Variants in HECW2 observed in about 807,000 individuals in gnomAD.
The protein encoded by HECW2 is E3 ubiquitin-protein ligase HECW2.
HECW2 carries 61 observed loss-of-function variants against 175.2 expected under a neutral mutation model. The observed-to-expected ratio is 0.35, with a 90% confidence interval of 0.28 to 0.43. HECW2 has a LOEUF of 0.43. Among genes scored for constraint, HECW2 ranks in the 20% least tolerant of loss-of-function variants. HECW2 has a pLI of 1.00. For missense variants in HECW2, 1,524 were observed against 2,000.5 expected, an observed-to-expected ratio of 0.76 and a Z score of 4.54; for synonymous variants, 671 against 731.0, an observed-to-expected ratio of 0.92 and a Z score of 1.32.
intron 10 of HECW2, chr2:196,316,867 A>T (rs1559034853): frequency 6.3e-6 from 1 of 158,104 alleles, no homozygotes; most frequent in East Asian, 1.8e-4. Flanking sequence ...ATGATTTTAA[A>T]TGCTGTAAGT....
rs758634972 is a variant in HECW2 at position 196,318,544 on chromosome 2, T to C, written c.2338+8A>G. On this transcript the variant is annotated splice_region_variant and intron_variant, in intron 9 of 28. Transcript: ENST00000644978. ...GAGCCAAGAGCCACAGTGGTGTCCA[T>C]ATCCTACCTCCAGTAGCGCCCTCCT... The C allele has an allele frequency of 8.0e-5, 120 of 1,498,508 alleles. 1 individual carries two copies. The East Asian group carries it at 2.7e-3, about 33-fold the overall frequency. The allele number at this position is 1,498,508 out of a possible 1,614,324, so 92.8% of individuals were successfully genotyped here.
chr2:196,554,737 C>T (rs771702434), intron 1 of HECW2, among the ~76,000 whole-genome samples: 6 of 152,226 alleles, frequency 3.9e-5, no homozygotes, highest in Non-Finnish European at 8.8e-5. Flanking sequence ...TTCCAGCATG[C>T]AATGGGTCTG....
intron 1 of HECW2, among the ~76,000 whole-genome samples, chr2:196,580,105 A>C (rs2125526458): frequency 6.6e-6 from 1 of 152,376 alleles, no homozygotes; most frequent in South Asian, 2.1e-4. Context: ...TTCTGTAATG[A>C]TAAAAGGATC....
chr2:196,521,769 G>A (rs1471202260), intron 1 of HECW2, among the ~76,000 whole-genome samples: 1 of 149,782 alleles, frequency 6.7e-6, no homozygotes, highest in Non-Finnish European at 1.5e-5. Context: ...TACTGAGAAT[G>A]ATGATTTCCA....
At chr2:196,480,983 G>T (rs1024201082) in intron 1 of HECW2, among the ~76,000 whole-genome samples, 13 of 152,192 alleles carry the variant, frequency 8.5e-5, no homozygotes, top group Non-Finnish European at 1.9e-4. Flanking sequence ...TTAATTGTGA[G>T]GAAAAAGAGG....
At chr2:196,492,121 A>G (rs566339291) in intron 1 of HECW2, among the ~76,000 whole-genome samples, 2 of 152,344 alleles carry the variant, frequency 1.3e-5, no homozygotes, top group South Asian at 2.1e-4. Context: ...ACAATTTAAC[A>G]TAGTCAAAAA....
intron 7 of HECW2, among the ~76,000 whole-genome samples, chr2:196,320,652 C>T (rs1691907988): frequency 1.3e-5 from 2 of 152,096 alleles, no homozygotes; most frequent in East Asian, 3.8e-4. Flanking sequence ...GGAAATGTTG[C>T]CATAAGAAAA....
chr2:196,316,127 A>C (rs1206051775), intron 10 of HECW2: 1 of 152,160 alleles, frequency 6.6e-6, no homozygotes, highest in Non-Finnish European at 1.5e-5. Context: ...AAGATGATAC[A>C]AGGTTAATTA....
chr2:196,434,743 C>T (rs997476702), intron 1 of HECW2, among the ~76,000 whole-genome samples: 3 of 152,230 alleles, frequency 2.0e-5, no homozygotes, highest in Non-Finnish European at 4.4e-5. Flanking sequence ...CTTCATTATG[C>T]CATGTTTCAT....
chr2:196,283,237 G>C (rs1280469718), intron 14 of HECW2, among the ~76,000 whole-genome samples: 5 of 127,106 alleles, frequency 3.9e-5, no homozygotes, highest in Non-Finnish European at 8.1e-5. Flanking sequence ...ACTCCAGCCT[G>C]GGTGACAGAG....
chr2:196,251,187 C>T (rs967550826), intron 19 of HECW2, among the ~76,000 whole-genome samples: 1 of 152,138 alleles, frequency 6.6e-6, no homozygotes, highest in Non-Finnish European at 1.5e-5. Flanking sequence ...ACTTCCTGAG[C>T]CCTTTGAGCA....
At chr2:196,513,725 A>T (rs1688043189) in intron 1 of HECW2, among the ~76,000 whole-genome samples, 1 of 152,228 alleles carries the variant, frequency 6.6e-6, no homozygotes, top group Non-Finnish European at 1.5e-5. Context: ...CTGGTATATA[A>T]GTCACATGTG....
chr2:196,512,133 G>A (rs13416832), intron 1 of HECW2, among the ~76,000 whole-genome samples: 52,740 of 152,164 alleles, frequency 0.35, 12,563 homozygotes, highest in African/African-American at 0.68. Flanking sequence ...GAGACCTGGA[G>A]AACAGGCAGG....
chr2:196,532,030 C>T (rs984086712), intron 1 of HECW2, among the ~76,000 whole-genome samples: 4 of 152,244 alleles, frequency 2.6e-5, no homozygotes, highest in African/African-American at 9.6e-5. Flanking sequence ...ATGTGCCCTG[C>T]ACACAACTGG....
intron 2 of HECW2, among the ~76,000 whole-genome samples, chr2:196,394,265 C>T (rs4850704): frequency 0.58 from 88,787 of 151,970 alleles, 29,292 homozygotes; most frequent in East Asian, 0.84. Context: ...CAAATGTGCA[C>T]GTTGTGCACA....
rs576933786 is a variant in HECW2, at chr2:196,562,106, C to A, written c.-36+31402G>T. On this transcript the variant is annotated intron_variant, in intron 1 of 28. Transcript: ENST00000644978. ...TCTTGTAGCCAAGAATAGAGACATGCAGCCTAAATAATGATACGCTGAATA... is the reference window on the plus strand; with the variant it reads ...TCTTGTAGCCAAGAATAGAGACATGAAGCCTAAATAATGATACGCTGAATA... Among the ~76,000 whole-genome samples the A allele has an allele frequency of 2.6e-5, 4 of 152,300 alleles. No homozygotes were observed. In the South Asian group the frequency reaches 8.3e-4, roughly 32 times the overall value.
chr2:196,373,559 C>G (rs983574334), intron 2 of HECW2, among the ~76,000 whole-genome samples: 3 of 152,180 alleles, frequency 2.0e-5, no homozygotes, highest in African/African-American at 7.2e-5. Context: ...CCATCATAAA[C>G]TGCTGTCATC....
rs563511903 is a variant in HECW2, at chr2:196,258,635, T to C, written c.3336-729A>G. Among the ~76,000 whole-genome samples the C allele has an allele frequency of 2.0e-4, 30 of 152,304 alleles. 2 individuals carry two copies. The South Asian group carries it at 6.0e-3, about 30-fold the overall frequency. On this transcript the variant is annotated intron_variant, in intron 17 of 28. Transcript: ENST00000644978. ...TTGATGAGTCATCATCATGTCACTATTTTCAATTTGTTATATGAATACAAT... is the reference window on the plus strand; with the variant it reads ...TTGATGAGTCATCATCATGTCACTACTTTCAATTTGTTATATGAATACAAT...
intron 4 of HECW2, 45 bp from the exon 5 acceptor site, chr2:196,329,695 G>A: frequency 1.3e-6 from 2 of 1,491,572 alleles, no homozygotes; most frequent in Non-Finnish European, 1.9e-6. Flanking sequence ...AGCATATGAT[G>A]CCACTGGATC....
Sources: allele counts gnomAD v4.1 joint callset (sites outside exome capture counted in the v4.1 genomes callset), GRCh38; gene constraint gnomAD v4.1.1; transcripts MANE v1.5; gene names NCBI Gene and HGNC (gene_info 2026-07-23, HGNC 2026-07-21).